Variants in COL5A2 observed in about 807,000 individuals in gnomAD.
COL5A2 encodes the protein collagen alpha-2(V) chain.
Under a neutral mutation model 208.2 loss-of-function variants are expected in COL5A2, and 23 were observed. The observed-to-expected ratio is 0.11, with a 90% confidence interval of 0.08 to 0.16. The LOEUF is 0.16. Ranked by LOEUF, COL5A2 falls within the 10% of genes least tolerant of loss-of-function variation. COL5A2 has a pLI of 1.00. For missense variants in COL5A2, 1,590 were observed against 1,956.4 expected (o/e 0.81, Z 3.53); for synonymous variants, 625 against 628.5 (o/e 0.99, Z 0.08).
At chr2:189,187,698 C>T (rs760245818) in intron 1 of COL5A2, among the ~76,000 whole-genome samples, 4 of 152,072 alleles carry the variant, frequency 2.6e-5, no homozygotes, top group East Asian at 1.9e-4. Context: ...TGGCCGGGCG[C>T]GGTGGCTCAC....
intron 3 of COL5A2, among the ~76,000 whole-genome samples, chr2:189,100,743 A>G (rs576526653): frequency 4.2e-4 from 64 of 151,986 alleles, no homozygotes; most frequent in African/African-American, 1.5e-3. Flanking sequence ...AAAATCTAGG[A>G]AAAAAAATCA....
At chr2:189,164,206 T>C (rs1688422910) in intron 1 of COL5A2, among the ~76,000 whole-genome samples, 1 of 152,206 alleles carries the variant, frequency 6.6e-6, no homozygotes, top group Non-Finnish European at 1.5e-5. Context: ...AACAGGCTTT[T>C]AGCGTTTAAC....
chr2:189,381,625 T>A, the COL5A2 span, among the ~76,000 whole-genome samples: 1 of 152,084 alleles, frequency 6.6e-6, no homozygotes, highest in South Asian at 2.1e-4. Context: ...CATGGAAGTA[T>A]CACAAAAGAG....
upstream of COL5A2, among the ~76,000 whole-genome samples, chr2:189,184,774 T>C (rs1415354640): frequency 6.6e-6 from 1 of 152,166 alleles, no homozygotes; most frequent in Non-Finnish European, 1.5e-5. Context: ...GGTAACATAC[T>C]CACAGGTTCT....
chr2:189,426,737 T>C, the COL5A2 span, among the ~76,000 whole-genome samples: 2 of 152,260 alleles, frequency 1.3e-5, no homozygotes, highest in South Asian at 2.1e-4. Context: ...TATTGTGCCC[T>C]GCTCTAGCGA....
intron 7 of COL5A2, among the ~76,000 whole-genome samples, chr2:189,089,975 G>A (rs982091860): frequency 4.6e-5 from 7 of 152,050 alleles, no homozygotes; most frequent in African/African-American, 1.7e-4. Flanking sequence ...GCCTCTAAAT[G>A]TTCAAGTGAA....
chr2:189,185,358 T>C lies in COL5A2; in HGVS notation c.-42+39790A>G, dbSNP rs142243868. The stretch of plus-strand genomic sequence containing the variant: ...TATTTTTTAAAAGATCTGTATGGCA[T>C]GTAAGAAACGTATTATGCGAAGGCA... On this transcript the variant is annotated intron_variant, in intron 1 of 10. Coordinates refer to the COL5A2 transcript ENST00000649966. Among the ~76,000 whole-genome samples the C allele has an allele frequency of 2.3e-3, 350 of 152,288 alleles. 3 individuals are homozygous for C. Among genetic ancestry groups the C allele is most frequent in the African/African-American group, 7.9e-3 (328 of 41,558 alleles).
chr2:189,122,931 G>A (rs563663393), intron 1 of COL5A2, among the ~76,000 whole-genome samples: 6 of 151,618 alleles, frequency 4.0e-5, no homozygotes, highest in East Asian at 2.0e-4. Flanking sequence ...TAGAAAATAC[G>A]AAGGGTTTGA....
At chr2:189,321,930 A>C in the COL5A2 span, among the ~76,000 whole-genome samples, 189 of 152,332 alleles carry the variant, frequency 1.2e-3, 1 homozygote, top group African/African-American at 4.4e-3. Flanking sequence ...GTTGGAAGTA[A>C]AGCACTCCTC....
chr2:189,383,069 G>C, the COL5A2 span, among the ~76,000 whole-genome samples: 1 of 152,130 alleles, frequency 6.6e-6, no homozygotes, highest in African/African-American at 2.4e-5. Flanking sequence ...AAATTCTCTT[G>C]CTACAAACAA....
chr2:189,322,247 C>G, the COL5A2 span, among the ~76,000 whole-genome samples: 1 of 152,112 alleles, frequency 6.6e-6, no homozygotes, highest in Non-Finnish European at 1.5e-5. Flanking sequence ...AATTGACACC[C>G]TAACATCACA....
intron 6 of COL5A2, among the ~76,000 whole-genome samples, chr2:189,094,533 G>A (rs745776107): frequency 7.5e-6 from 1 of 133,004 alleles, no homozygotes; most frequent in African/African-American, 2.7e-5. Context: ...ACGAATGACC[G>A]GGAACTGTTA....
the COL5A2 span, among the ~76,000 whole-genome samples, chr2:189,276,622 C>T: frequency 6.6e-6 from 1 of 152,134 alleles, no homozygotes; most frequent in Admixed American, 6.6e-5. Flanking sequence ...AGTCACATTA[C>T]ATAAGTTTGA....
chr2:189,323,505 C>T, the COL5A2 span, among the ~76,000 whole-genome samples: 8 of 152,212 alleles, frequency 5.3e-5, no homozygotes, highest in South Asian at 1.0e-3. Context: ...GCAAAAATCA[C>T]AAGCATTCTT....
At chr2:189,328,728 C>T in the COL5A2 span, among the ~76,000 whole-genome samples, 1 of 152,118 alleles carries the variant, frequency 6.6e-6, no homozygotes, top group African/African-American at 2.4e-5. Flanking sequence ...CTCAGCCAGT[C>T]AACAATGCCA....
intron 1 of COL5A2, among the ~76,000 whole-genome samples, chr2:189,199,152 T>C (rs1315269025): frequency 6.6e-6 from 1 of 152,198 alleles, no homozygotes; most frequent in East Asian, 1.9e-4. Context: ...TGAAACTTTT[T>C]GTGAGCTGGA....
chr2:189,271,416 C>T, the COL5A2 span, among the ~76,000 whole-genome samples: 6 of 152,116 alleles, frequency 3.9e-5, no homozygotes, highest in Admixed American at 1.3e-4. Flanking sequence ...GAAAGGATTC[C>T]CTATTTAATA....
At chr2:189,146,779 TA>T (rs1263584084) in intron 1 of COL5A2, among the ~76,000 whole-genome samples, 1 of 152,048 alleles carries the variant, frequency 6.6e-6, no homozygotes, top group African/African-American at 2.4e-5. Context: ...CCAGATGCAT[TA>T]AAAAATGCTT....
At chr2:189,297,280 A>G in the COL5A2 span, among the ~76,000 whole-genome samples, 1 of 152,156 alleles carries the variant, frequency 6.6e-6, no homozygotes, top group Non-Finnish European at 1.5e-5. Flanking sequence ...TTTATTTCTA[A>G]TTTTATTACA....
Sources: allele counts gnomAD v4.1 joint callset (sites outside exome capture counted in the v4.1 genomes callset), GRCh38; gene constraint gnomAD v4.1.1; transcripts MANE v1.5; gene names NCBI Gene and HGNC (gene_info 2026-07-23, HGNC 2026-07-21).